NME8: variants seen among roughly 807,000 people sequenced by gnomAD.
NME8 encodes the protein NME/NM23 family member 8.
Under a neutral mutation model 82.3 loss-of-function variants are expected in NME8, and 72 were observed. That is an observed-to-expected ratio of 0.87 (90% CI 0.72 to 1.06). NME8 has a LOEUF of 1.06. Ranked by LOEUF, NME8 falls within the 50% of genes least tolerant of loss-of-function variation. The pLI, the probability that NME8 is intolerant of heterozygous loss-of-function variation, is 0.00. For missense variants in NME8, 712 were observed against 685.4 expected, an observed-to-expected ratio of 1.04 and a Z score of -0.43; for synonymous variants, 267 against 228.5, an observed-to-expected ratio of 1.17 and a Z score of -1.52.
In NME8 at chr7:37,897,156, A is replaced by T. The variant is rs1785242872; in HGVS notation, c.*15+49A>T. 5 of 1,221,908 alleles carry T rather than the reference A, an allele frequency of 4.1e-6. No homozygotes were observed. In the South Asian group the frequency reaches 6.3e-5, roughly 15 times the overall value. The allele number at this position is 1,221,908 out of a possible 1,614,324, so 75.7% of individuals were successfully genotyped here. A position where few individuals can be genotyped will look rare whatever the true frequency, so the allele number is the denominator to read the frequency against. ...TTTATTTTATTTGCTTGTTGCAGTG[A>T]CTGAGGCTAGGACAAACCTGTCCTA... On this transcript the variant is annotated intron_variant, in intron 17 of 17. Transcript: ENST00000199447.
At chr7:37,850,802 ACTTTAAGTATTGT>A in intron 5 of NME8, 67 bp downstream of exon 5, 1 of 1,003,534 alleles carries the variant, frequency 1.0e-6, no homozygotes, top group Non-Finnish European at 1.6e-6. Context: ...ATCCTCTAAT[ACTTTAAGTATTGT>A]CTTAATTTAA....
chr7:37,874,099 C>T (rs952880833), intron 11 of NME8, among the ~76,000 whole-genome samples: 26 of 152,106 alleles, frequency 1.7e-4, no homozygotes, highest in Admixed American at 1.5e-3. Context: ...CAATATATCA[C>T]CTATATACTC....
At chr7:37,885,279 C>G in intron 14 of NME8, 27 bp downstream of exon 14, 2 of 1,384,762 alleles carry the variant, frequency 1.4e-6, no homozygotes, top group Non-Finnish European at 2.1e-6. Flanking sequence ...GGGTCACTAT[C>G]TGTTTTCGTG....
At position 37,849,559 on chromosome 7, in the gene NME8, A is replaced by G. The variant is rs545187103; in HGVS notation, c.-8+503A>G. ...CTGCATAATCCAATGTACAGTGGGGAAATTTTTCACTAGTACATTAAGATG... is the reference window on the plus strand; with the variant it reads ...CTGCATAATCCAATGTACAGTGGGGGAATTTTTCACTAGTACATTAAGATG... On this transcript the variant is annotated intron_variant, in intron 2 of 17. Coordinates refer to ENST00000199447, the MANE Select transcript of NME8 (RefSeq NM_016616.5). Among the ~76,000 whole-genome samples the G allele has an allele frequency of 3.3e-5, 5 of 152,304 alleles. No homozygotes were observed. In the South Asian group the frequency reaches 6.2e-4, roughly 19 times the overall value.
At chr7:37,850,222 T>G (rs758711906) in intron 2 of NME8, 38 bp from the exon 3 acceptor site, 4 of 1,522,346 alleles carry the variant, frequency 2.6e-6, no homozygotes, top group Non-Finnish European at 3.6e-6. Flanking sequence ...TATTTAAATT[T>G]CCTACTTAAA....
In NME8 at chr7:37,885,136, T is replaced by C. The variant is rs765103564; in HGVS notation, c.1140-9T>C. On this transcript the variant is annotated splice_polypyrimidine_tract_variant and intron_variant, in intron 13 of 17. Coordinates refer to ENST00000199447, the MANE Select transcript of NME8 (RefSeq NM_016616.5). ...CTTATTACCTCTTCTTTGTTTTCTT[T>C]TCTAATAGTGGTCCATCTCTAGCCC... 6.3e-7 allele frequency: 1 copy of C among 1,586,042 alleles called. No homozygotes were observed. Among genetic ancestry groups the C allele is most frequent in the Non-Finnish European group, 8.7e-7 (1 of 1,154,984 alleles).
chr7:37,884,257 A>G (rs761175990), intron 12 of NME8, 46 bp from the exon 13 acceptor site: 1 of 1,264,728 alleles, frequency 7.9e-7, no homozygotes, highest in South Asian at 1.2e-5. Context: ...GTACATAACC[A>G]GTAATCTACC....
intron 11 of NME8, among the ~76,000 whole-genome samples, chr7:37,876,488 A>G (rs1784855140): frequency 6.6e-6 from 1 of 152,020 alleles, no homozygotes; most frequent in Non-Finnish European, 1.5e-5. Context: ...TAGTTCAAAG[A>G]CAAGATTAAA....
At chr7:37,850,603 A>G (rs202008099) in intron 4 of NME8, 26 bp from the exon 5 acceptor site, 254 of 1,568,578 alleles carry the variant, frequency 1.6e-4, no homozygotes, top group Non-Finnish European at 1.2e-4. Context: ...AGACTTTGTT[A>G]TTTCATAAAT....
intron 6 of NME8, among the ~76,000 whole-genome samples, chr7:37,858,864 C>T (rs1784553729): frequency 2.0e-5 from 3 of 152,146 alleles, no homozygotes; most frequent in Admixed American, 2.0e-4. Context: ...GCGGATGCCT[C>T]ATAAATGGCT....
At chr7:37,868,128 T>A (rs1386890405) in intron 11 of NME8, among the ~76,000 whole-genome samples, 1 of 152,154 alleles carries the variant, frequency 6.6e-6, no homozygotes, top group Non-Finnish European at 1.5e-5. Flanking sequence ...TAGTAAGAAT[T>A]TACAGATGAC....
chr7:37,895,545 A>G (rs547700824), intron 16 of NME8, among the ~76,000 whole-genome samples: 15 of 152,280 alleles, frequency 9.9e-5, no homozygotes, highest in African/African-American at 2.9e-4. Context: ...TCTTTTACAC[A>G]GAGTTCATAA....
chr7:37,893,775 G>A (rs893522037), intron 15 of NME8, among the ~76,000 whole-genome samples: 1 of 152,108 alleles, frequency 6.6e-6, no homozygotes, highest in African/African-American at 2.4e-5. Context: ...TCTGAGGAAA[G>A]GTTTATGTTT....
At chr7:37,878,058 ATC>A (rs2131961201) in intron 12 of NME8, among the ~76,000 whole-genome samples, 1 of 152,280 alleles carries the variant, frequency 6.6e-6, no homozygotes, top group Non-Finnish European at 1.5e-5. Flanking sequence ...CTTGTACCTG[ATC>A]TTATAGCAAA....
chr7:37,850,340 G>C (rs984892337), intron 3 of NME8, 38 bp from the exon 4 acceptor site: 2 of 1,614,022 alleles, frequency 1.2e-6, no homozygotes, highest in Non-Finnish European at 1.7e-6. Context: ...TGGTGCACTA[G>C]TGCTTGAATA....
At chr7:37,889,908 A>G (rs1785102419) in intron 15 of NME8, among the ~76,000 whole-genome samples, 1 of 151,964 alleles carries the variant, frequency 6.6e-6, no homozygotes, top group African/African-American at 2.4e-5. Flanking sequence ...TAGAGGTATG[A>G]GTCACCTGTT....
chr7:37,895,987 A>G (rs1321514670), intron 16 of NME8, among the ~76,000 whole-genome samples: 1 of 152,112 alleles, frequency 6.6e-6, no homozygotes, highest in Non-Finnish European at 1.5e-5. Flanking sequence ...CACATTTCTC[A>G]GAAAGTATCT....
chr7:37,890,250 A>G (rs527428186), intron 15 of NME8, among the ~76,000 whole-genome samples: 62 of 152,092 alleles, frequency 4.1e-4, no homozygotes, highest in African/African-American at 1.4e-3. Context: ...CTCTCAAAAT[A>G]TATGTTAAAC....
Position 37,886,862 on chromosome 7 carries a change from C to CAAAA in NME8, c.1248-1408_1248-1405dup, listed in dbSNP as rs3837059. 1.5e-3 allele frequency among the ~76,000 whole-genome samples: 213 copies of CAAAA among 142,270 alleles called. 1 individual carries two copies. The highest frequency in any genetic ancestry group is 5.4e-3 in the African/African-American group (205 of 38,122). 93.3% of individuals were successfully genotyped at this position (142,270 alleles called of 152,430 possible). On this transcript the variant is annotated intron_variant, in intron 14 of 17. Coordinates refer to ENST00000199447, the MANE Select transcript of NME8 (RefSeq NM_016616.5). The stretch of plus-strand genomic sequence containing the variant: ...GAATGGAAAGGTCAAGGTGATAAGG[C>CAAAA]AAAAAAAAAACAAAAACAAACAAAC...
Sources: gnomAD v4.1 joint callset for allele counts (sites outside exome capture counted in the v4.1 genomes callset) on GRCh38, gnomAD v4.1.1 for gene constraint, MANE v1.5 for transcripts, NCBI Gene and HGNC (gene_info 2026-07-23, HGNC 2026-07-21) for gene names.